TSEN54: variants seen among roughly 807,000 people sequenced by gnomAD.
The protein encoded by TSEN54 is tRNA splicing endonuclease subunit 54.
A neutral mutation model predicts 61.9 loss-of-function variants in TSEN54; 55 were observed. The observed-to-expected ratio is 0.89, with a 90% CI of 0.72 to 1.11. TSEN54 has a LOEUF of 1.11. Ranked by LOEUF, TSEN54 falls within the 50% of genes most tolerant of loss-of-function variation. The probability of loss-of-function intolerance (pLI) is 0.00; values close to 1 mark genes in which losing one functional copy is unlikely to be tolerated. For synonymous variants in TSEN54, 304 were observed against 288.7 expected, an observed-to-expected ratio of 1.05 and a Z score of -0.54; for missense variants, 760 against 687.7, an observed-to-expected ratio of 1.11 and a Z score of -1.18.
chr17:75,518,951 C>T (rs755699585), intron 5 of TSEN54, 44 bp from the exon 6 acceptor site: 2 of 1,611,554 alleles, frequency 1.2e-6, no homozygotes, highest in Admixed American at 1.7e-5. Context: ...TTGGTGTTTT[C>T]CAGAGTGGCC....
intron 5 of TSEN54, 47 bp downstream of exon 5, chr17:75,517,702 A>G (rs201404842): frequency 1.5e-5 from 22 of 1,505,316 alleles, no homozygotes; most frequent in Non-Finnish European, 2.0e-5. Flanking sequence ...CCACTGAATC[A>G]ATGAGTATTG....
Position 75,522,329 on chromosome 17 carries a change from C to T in TSEN54, c.1248C>T (p.Ser416=). Residue 416 remains serine (S), a synonymous_variant, in exon 8 of 11, where the codon TCC becomes TCT. Transcript: ENST00000333213. Reference sequence around the variant, plus strand: ...TGCTGAGTCCTGGCCAGGCCAGCTCCCCAGGTACCCCCTCAGCCTGCCACA... The same window carrying T: ...TGCTGAGTCCTGGCCAGGCCAGCTCTCCAGGTACCCCCTCAGCCTGCCACA... ...TPLLSPGQAS[S]PAVVLQHISV... is the part of the protein sequence containing the mutation. 1.3e-6 allele frequency: 2 copies of T among 1,545,062 alleles called. No homozygotes were observed. Among genetic ancestry groups the T allele is most frequent in the Non-Finnish European group, 8.7e-7 (1 of 1,146,816 alleles).
chr17:75,522,934 A>G (rs2053444070), intron 8 of TSEN54: 1 of 371,166 alleles, frequency 2.7e-6, no homozygotes, highest in Non-Finnish European at 5.2e-6. Context: ...TAATCCCAGC[A>G]CTTTGGGAGG....
In TSEN54 at chr17:75,523,276, C is replaced by T. The variant is rs139621348; in HGVS notation, c.1254C>T (p.Ala418=). 7.6e-5 allele frequency: 122 copies of T among 1,614,122 alleles called. No individual in the cohort carries two copies. Among genetic ancestry groups the T allele is most frequent in the Non-Finnish European group, 8.9e-5 (105 of 1,180,014 alleles). The stretch of plus-strand genomic sequence containing the variant: ...ACCTTGTTTTCTGTGTCCTTGTAGC[C>T]GTGGTCCTTCAGCATATCTCTGTGC... ...LLSPGQASSP[A]VVLQHISVLQ... Residue 418 remains alanine, a splice_region_variant and synonymous_variant, in exon 9 of 11, where the codon GCC becomes GCT. Transcript: ENST00000333213.
Position 75,523,677 on chromosome 17 carries a change from C to G in TSEN54, c.1328C>G (p.Ser443Cys), listed in dbSNP as rs150169668. The change falls in exon 10 of 11, where the codon TCT becomes TGT. Residue 443 changes from serine (S) to cysteine (C), a missense_variant. Ser to Cys is a moderately radical substitution (Grantham distance 112). Around this residue, in one of 3 missense-constraint regions of TSEN54, gnomAD observed 10 missense variants for 27.0 expected, o/e 0.37. Transcript: ENST00000333213. Reference sequence around the variant, plus strand: ...TGTATTGTCAGGCTGTTGGAGAAGTCTGGGGGCTTGGAAATCATCTTTGAT... The same window carrying G: ...TGTATTGTCAGGCTGTTGGAGAAGTGTGGGGGCTTGGAAATCATCTTTGAT... The part of the protein sequence containing the change: ...PDGGARLLEK[S>C]GGLEIIFDVY... 0.013 allele frequency: 21,182 copies of G among 1,614,170 alleles called. 212 individuals are homozygous for G. The highest frequency in any genetic ancestry group is 0.023 in the South Asian group (2,079 of 91,090).
intron 8 of TSEN54, 171 bp from the exon 9 acceptor site, chr17:75,523,104 G>A (rs1568004180): frequency 2.5e-6 from 2 of 785,502 alleles, no homozygotes; most frequent in East Asian, 5.2e-5. Context: ...GCTTGAACCT[G>A]GGAGGCAGAG....
At chr17:75,523,483 G>A (rs1227775868) in intron 9 of TSEN54, 148 bp downstream of exon 9, 46 of 1,595,764 alleles carry the variant, frequency 2.9e-5, no homozygotes, top group Middle Eastern at 1.8e-4. Context: ...ACTAGTGTTC[G>A]TGTGTGTCTA....
Position 75,524,481 on chromosome 17 carries a change from C to G in TSEN54, c.*69C>G. ...GACTGTCTGTTCTCAGGGACCATCTCGGCTGCCTCCTGTACCCAGACTCTA... is the reference window on the plus strand; with the variant it reads ...GACTGTCTGTTCTCAGGGACCATCTGGGCTGCCTCCTGTACCCAGACTCTA... On this transcript the variant is annotated 3_prime_UTR_variant, in exon 11 of 11. Coordinates refer to ENST00000333213, the MANE Select transcript of TSEN54 (RefSeq NM_207346.3). 6.3e-7 allele frequency: 1 copy of G among 1,595,138 alleles called. No individual in the cohort carries two copies. Among genetic ancestry groups the G allele is most frequent in the South Asian group, 1.1e-5 (1 of 90,580 alleles).
intron 7 of TSEN54, 22 bp downstream of exon 7, chr17:75,521,532 C>A (rs377324975): frequency 2.6e-5 from 42 of 1,607,974 alleles, no homozygotes; most frequent in Non-Finnish European, 3.1e-5. Context: ...ATCACGGTGG[C>A]CCCCCAGGGA....
In TSEN54 at chr17:75,524,611, C is replaced by G; in HGVS notation, c.*199C>G. On this transcript the variant is annotated 3_prime_UTR_variant, in exon 11 of 11. Transcript: ENST00000333213. ...TCCCTGCTGCCTTGCAGTGACCCCTCTGGAACTCAGGACTCGATTTTAAGG... is the reference window on the plus strand; with the variant it reads ...TCCCTGCTGCCTTGCAGTGACCCCTGTGGAACTCAGGACTCGATTTTAAGG... 1.4e-6 allele frequency: 1 copy of G among 728,682 alleles called. No individual in the cohort carries two copies. The highest frequency in any genetic ancestry group is 1.5e-5 in the South Asian group (1 of 66,516). 45.1% of individuals were successfully genotyped at this position (728,682 alleles called of 1,614,324 possible).
At chr17:75,522,734 C>T (rs752583989) in intron 8 of TSEN54, 11 of 331,702 alleles carry the variant, frequency 3.3e-5, no homozygotes, top group East Asian at 6.7e-5. Flanking sequence ...AATGTGTTAA[C>T]GGATTCCAAA....
At chr17:75,519,076 A>G in intron 6 of TSEN54, 29 bp downstream of exon 6, 1 of 1,612,872 alleles carries the variant, frequency 6.2e-7, no homozygotes, top group Non-Finnish European at 8.5e-7. Flanking sequence ...CCCCTTCCAT[A>G]TATTCTAGTC....
Position 75,522,102 on chromosome 17 carries a change from C to G in TSEN54, c.1021C>G (p.Leu341Val), listed in dbSNP as rs867700810. 4.4e-6 allele frequency: 7 copies of G among 1,582,444 alleles called. No individual in the cohort carries two copies. In the African/African-American group the frequency reaches 6.7e-5, roughly 15 times the overall value. Residue 341 changes from leucine (L) to valine (V), a missense_variant, in exon 8 of 11, where the codon CTG becomes GTG. This residue lies in a region of TSEN54 where 667 missense variants were observed against 577.8 expected (regional missense o/e 1.15). Transcript: ENST00000333213. The stretch of plus-strand genomic sequence containing the variant: ...AGACGCTGAGTCCTGGTGCCAGAAG[C>G]TGAACCAGCGCAAGGAGAAGCTCTC... Reference protein sequence around the residue: ...ETDAESWCQKLNQRKEKLSRR... With the variant: ...ETDAESWCQKVNQRKEKLSRR...
In TSEN54 at chr17:75,523,587, G is replaced by A. The variant is rs72851947; in HGVS notation, c.1314-76G>A. 0.094 allele frequency: 151,530 copies of A among 1,613,642 alleles called. 7,596 individuals are homozygous for A. The highest frequency in any genetic ancestry group is 0.11 in the African/African-American group (8,300 of 74,988). ...TGTGAGGCTGCTTCCTGGAACTGGT[G>A]GAGGGAAAGGGTGGGATGGAAAAGA... On this transcript the variant is annotated intron_variant, in intron 9 of 10. Coordinates refer to ENST00000333213, the MANE Select transcript of TSEN54 (RefSeq NM_207346.3).
chr17:75,516,982 C>T, intron 2 of TSEN54, 27 bp from the exon 3 acceptor site: 2 of 1,563,258 alleles, frequency 1.3e-6, no homozygotes, highest in Non-Finnish European at 8.7e-7. Context: ...AATGGACTGA[C>T]GCAGACCCCT....
chr17:75,516,979 T>G, intron 2 of TSEN54, 30 bp from the exon 3 acceptor site: 1 of 1,561,220 alleles, frequency 6.4e-7, no homozygotes, highest in Middle Eastern at 1.7e-4. Flanking sequence ...CGGAATGGAC[T>G]GACGCAGACC....
rs773467992 is a variant in TSEN54 at position 75,521,529 on chromosome 17, T to A, written c.623+19T>A. On this transcript the variant is annotated intron_variant, in intron 7 of 10. Coordinates refer to ENST00000333213, the MANE Select transcript of TSEN54 (RefSeq NM_207346.3). ...GCCCTCGGTAACTCCCACATCACGGTGGCCCCCCAGGGAGTGCTGGTGTCT... is the reference window on the plus strand; with the variant it reads ...GCCCTCGGTAACTCCCACATCACGGAGGCCCCCCAGGGAGTGCTGGTGTCT... 6.2e-7 allele frequency: 1 copy of A among 1,611,932 alleles called. No individual in the cohort carries two copies. Among genetic ancestry groups the A allele is most frequent in the South Asian group, 1.1e-5 (1 of 91,036 alleles).
Position 75,524,633 on chromosome 17 carries a change from A to G in TSEN54, c.*221A>G. ...CCTCTGGAACTCAGGACTCGATTTT[A>G]AGGACCCAGGAGGTGGGGCAGAAGA... On this transcript the variant is annotated 3_prime_UTR_variant, in exon 11 of 11. Coordinates refer to ENST00000333213, the MANE Select transcript of TSEN54 (RefSeq NM_207346.3). 1.5e-6 allele frequency: 1 copy of G among 668,098 alleles called. No homozygotes were observed. The highest frequency in any genetic ancestry group is 2.7e-6 in the Non-Finnish European group (1 of 369,966). 41.4% of individuals were successfully genotyped at this position (668,098 alleles called of 1,614,324 possible).
At chr17:75,517,393 G>T (rs1271511307) in intron 4 of TSEN54, 149 bp downstream of exon 4, 8 of 1,173,652 alleles carry the variant, frequency 6.8e-6, no homozygotes, top group Admixed American at 1.8e-5. Context: ...AGGGAGCAGG[G>T]ATTCCAGTCC....
Sources: allele counts gnomAD v4.1 joint callset, GRCh38; gene constraint gnomAD v4.1.1; regional missense constraint gnomAD v4.1.1; transcripts MANE v1.5; gene names NCBI Gene and HGNC (gene_info 2026-07-23, HGNC 2026-07-21).